Variants in CDH13 observed in about 807,000 individuals in gnomAD.
CDH13 encodes cadherin-13.
In CDH13, 24 loss-of-function variants were observed where a neutral mutation model predicts 63.8. The observed-to-expected ratio is 0.38, with a 90% CI of 0.27 to 0.53. The LOEUF (loss-of-function observed/expected upper bound fraction) is 0.53. Ranked by LOEUF, CDH13 falls within the 20% of genes least tolerant of loss-of-function variation. CDH13 has a pLI of 0.85. For missense variants in CDH13, 1,049 were observed against 903.1 expected (o/e 1.16, Z -2.07); for synonymous variants, 503 against 355.3 (o/e 1.42, Z -4.67).
rs553260162 is a variant in CDH13 at position 82,659,617 on chromosome 16, A to G, written c.45+32480A>G. Among the ~76,000 whole-genome samples the G allele has an allele frequency of 3.9e-5, 6 of 152,328 alleles. No individual in the cohort carries two copies. The South Asian group carries it at 1.2e-3, about 32-fold the overall frequency. On this transcript the variant is annotated intron_variant, in intron 1 of 13. Coordinates refer to ENST00000567109, the MANE Select transcript of CDH13 (RefSeq NM_001257.5). ...CTCATAAAGAATCCCCCCAAAATAT[A>G]ATACCACGTCCACAAGAACCCACCC... is the stretch of plus-strand genomic sequence containing the variant.
intron 1 of CDH13, among the ~76,000 whole-genome samples, chr16:82,737,326 C>G (rs1315908569): frequency 6.6e-6 from 1 of 152,160 alleles, no homozygotes; most frequent in Non-Finnish European, 1.5e-5. Flanking sequence ...TCAGATGGAC[C>G]CAGGGGTCAT....
At chr16:82,807,578 G>T (rs1406719256) in intron 1 of CDH13, among the ~76,000 whole-genome samples, 1 of 12,236 alleles carries the variant, frequency 8.2e-5, no homozygotes, top group African/African-American at 8.3e-5. Context: ...TGATCTCTGG[G>T]CTAAGGACCC....
chr16:83,588,264 G>A (rs1278536696), intron 7 of CDH13, among the ~76,000 whole-genome samples: 1 of 152,212 alleles, frequency 6.6e-6, no homozygotes, highest in African/African-American at 2.4e-5. Context: ...TCTAGAGACT[G>A]ATTCAGCCTG....
chr16:83,537,918 C>G (rs2075225441), intron 7 of CDH13, among the ~76,000 whole-genome samples: 1 of 152,032 alleles, frequency 6.6e-6, no homozygotes, highest in Non-Finnish European at 1.5e-5. Flanking sequence ...TATTGCCTTC[C>G]TAGGAATTTA....
At chr16:83,026,233 G>T (rs1172268153) in intron 2 of CDH13, among the ~76,000 whole-genome samples, 1 of 152,182 alleles carries the variant, frequency 6.6e-6, no homozygotes, top group Middle Eastern at 3.2e-3. Flanking sequence ...CCATGTTGGG[G>T]CAACTGTCCT....
At chr16:83,297,489 G>C (rs977528933) in intron 5 of CDH13, among the ~76,000 whole-genome samples, 1 of 152,142 alleles carries the variant, frequency 6.6e-6, no homozygotes, top group Non-Finnish European at 1.5e-5. Context: ...AACAAATGCT[G>C]TTCTCAAATA....
At chr16:83,299,426 C>A (rs2089681036) in intron 5 of CDH13, among the ~76,000 whole-genome samples, 1 of 152,174 alleles carries the variant, frequency 6.6e-6, no homozygotes, top group Non-Finnish European at 1.5e-5. Context: ...GCAGCACATA[C>A]ACTCTTGCTA....
chr16:83,064,184 C>T (rs572864971), intron 3 of CDH13, among the ~76,000 whole-genome samples: 3 of 152,232 alleles, frequency 2.0e-5, no homozygotes, highest in African/African-American at 7.2e-5. Flanking sequence ...GTCTGGCCCA[C>T]ATGATGAAAC....
intron 2 of CDH13, among the ~76,000 whole-genome samples, chr16:83,014,754 A>ATATATATATATATATATG (rs1567745530): frequency 1.6e-4 from 7 of 43,376 alleles, no homozygotes; most frequent in Non-Finnish European, 3.3e-4. Flanking sequence ...ATATATATAT[A>ATATATATATATATATATG]TATATATATA....
chr16:82,972,774 G>A (rs1189486092), intron 2 of CDH13, among the ~76,000 whole-genome samples: 1 of 149,722 alleles, frequency 6.7e-6, no homozygotes, highest in East Asian at 2.0e-4. Flanking sequence ...TCAGCCTTGT[G>A]TTTACAACCA....
intron 5 of CDH13, among the ~76,000 whole-genome samples, chr16:83,261,883 A>T (rs2151836566): frequency 6.6e-6 from 1 of 152,130 alleles, no homozygotes; most frequent in South Asian, 2.1e-4. Context: ...GGGAGGAGTC[A>T]CTCAAAGAGT....
chr16:82,992,235 G>A (rs1911740097), intron 2 of CDH13, among the ~76,000 whole-genome samples: 1 of 152,266 alleles, frequency 6.6e-6, no homozygotes, highest in Non-Finnish European at 1.5e-5. Context: ...ATCTGTTTCA[G>A]TATCCTTATT....
At chr16:83,709,780 C>G (rs1436257733) in intron 10 of CDH13, among the ~76,000 whole-genome samples, 4 of 152,236 alleles carry the variant, frequency 2.6e-5, no homozygotes, top group African/African-American at 9.6e-5. Context: ...GTAATAGGGT[C>G]TGAGTATTCA....
intron 2 of CDH13, among the ~76,000 whole-genome samples, chr16:83,000,830 C>T (rs988525335): frequency 5.3e-5 from 8 of 152,160 alleles, no homozygotes; most frequent in African/African-American, 1.2e-4. Context: ...CCGCCCGCCT[C>T]GGCCTCCCAA....
intron 7 of CDH13, among the ~76,000 whole-genome samples, chr16:83,556,139 C>G (rs2075597893): frequency 6.6e-6 from 1 of 152,138 alleles, no homozygotes; most frequent in African/African-American, 2.4e-5. Context: ...TGTCTGCCTG[C>G]AGCAGCGTTC....
chr16:82,796,962 G>A (rs2036611509), intron 1 of CDH13, among the ~76,000 whole-genome samples: 1 of 152,164 alleles, frequency 6.6e-6, no homozygotes, highest in African/African-American at 2.4e-5. Context: ...TAGACTGAAT[G>A]CCCATTGGAG....
intron 4 of CDH13, among the ~76,000 whole-genome samples, chr16:83,204,475 G>C (rs185216290): frequency 6.6e-6 from 1 of 152,128 alleles, no homozygotes; most frequent in African/African-American, 2.4e-5. Flanking sequence ...GCATATTTAT[G>C]TACCTAAGCA....
At chr16:82,880,415 C>T (rs1287737174) in intron 2 of CDH13, among the ~76,000 whole-genome samples, 1 of 152,158 alleles carries the variant, frequency 6.6e-6, no homozygotes, top group African/African-American at 2.4e-5. Context: ...GAATGTTTCA[C>T]CTGCCGAGGG....
At position 83,181,185 on chromosome 16, in the gene CDH13, A is replaced by G. The variant is rs887916302; in HGVS notation, c.484-36160A>G. ...CTACTGAAGGCTTTGCAGCCAAGAAATGAGGCCTCAGGCAAGTCATTTAGT... is the reference window on the plus strand; with the variant it reads ...CTACTGAAGGCTTTGCAGCCAAGAAGTGAGGCCTCAGGCAAGTCATTTAGT... On this transcript the variant is annotated intron_variant, in intron 4 of 13. Transcript: ENST00000567109. 1.1e-4 allele frequency: 62 copies of G among 552,054 alleles called. No individual in the cohort carries two copies. In the Admixed American group the frequency reaches 2.2e-3, roughly 19 times the overall value. 34.2% of individuals were successfully genotyped at this position (552,054 alleles called of 1,614,324 possible).
Sources: allele counts gnomAD v4.1 joint callset (sites outside exome capture counted in the v4.1 genomes callset), GRCh38; gene constraint gnomAD v4.1.1; transcripts MANE v1.5; gene names NCBI Gene and HGNC (gene_info 2026-07-23, HGNC 2026-07-21).